ELMO1: variants seen among roughly 807,000 people sequenced by gnomAD.
The protein encoded by ELMO1 is engulfment and cell motility 1.
A neutral mutation model predicts 98.9 loss-of-function variants in ELMO1; 26 were observed. That is an observed-to-expected ratio of 0.26 (90% CI 0.19 to 0.36). The LOEUF is 0.36. Ranked by LOEUF, ELMO1 falls within the 10% of genes least tolerant of loss-of-function variation. The pLI is 1.00. For missense variants in ELMO1, 627 were observed against 935.2 expected (o/e 0.67, Z 4.30); for synonymous variants, 346 against 346.0 (o/e 1.00, Z 0.00).
At chr7:37,256,686 G>GGGAAGGAAGAAA (rs1340919043) in intron 6 of ELMO1, among the ~76,000 whole-genome samples, 72 of 136,512 alleles carry the variant, frequency 5.3e-4, no homozygotes, top group Non-Finnish European at 8.5e-4. Context: ...GGGAGAAGGA[G>GGGAAGGAAGAAA]GGAAGGAAGA....
chr7:37,005,230 C>T (rs1446883863), intron 16 of ELMO1, among the ~76,000 whole-genome samples: 1 of 151,790 alleles, frequency 6.6e-6, no homozygotes, highest in African/African-American at 2.4e-5. Flanking sequence ...GAGATGCTGC[C>T]AGGGCTGTAA....
chr7:37,337,092 C>T (rs942995640), intron 2 of ELMO1, among the ~76,000 whole-genome samples: 9 of 152,164 alleles, frequency 5.9e-5, no homozygotes, highest in Admixed American at 1.3e-4. Context: ...TTTAAAGACA[C>T]ATGCACACGT....
intron 7 of ELMO1, among the ~76,000 whole-genome samples, chr7:37,236,285 C>G (rs1371556647): frequency 2.0e-5 from 3 of 152,140 alleles, no homozygotes; most frequent in African/African-American, 7.2e-5. Context: ...TTTCCAAATC[C>G]CCATGCTTGT....
chr7:36,859,156 C>T (rs749889866), intron 21 of ELMO1, among the ~76,000 whole-genome samples: 14 of 152,090 alleles, frequency 9.2e-5, no homozygotes, highest in Non-Finnish European at 1.8e-4. Context: ...AACATGTCAA[C>T]CAACTGCAAT....
Position 36,855,715 on chromosome 7 carries a change from C to G in ELMO1, c.2020G>C (p.Gly674Arg). 1 of 1,614,034 alleles carries G rather than the reference C, an allele frequency of 6.2e-7. No individual in the cohort carries two copies. Among genetic ancestry groups the G allele is most frequent in the Admixed American group, 1.7e-5 (1 of 60,024 alleles). The change falls in exon 22 of 22, where the codon GGG becomes CGG. Residue 674 changes from glycine (G) to arginine (R), a missense_variant. By Grantham distance (125) the Gly-to-Arg change is moderately radical (BLOSUM62 -2). This residue lies in a region of ELMO1 where 492 missense variants were observed against 715.6 expected (regional missense o/e 0.69). Transcript: ENST00000310758. The surrounding 1 kb of genome is among the most constrained non-coding windows in gnomAD (Gnocchi z 4.2). ...IWTDGLNALL[G>R]KDMMSDLTRN... Reference sequence around the variant, plus strand: ...GTCAGGTCGCTCATCATGTCCTTCCCGAGTAGCGCATTCAGTCCATCCGTC... The same window carrying G: ...GTCAGGTCGCTCATCATGTCCTTCCGGAGTAGCGCATTCAGTCCATCCGTC...
At chr7:36,963,949 C>G (rs1267863560) in intron 16 of ELMO1, among the ~76,000 whole-genome samples, 1 of 152,148 alleles carries the variant, frequency 6.6e-6, no homozygotes, top group African/African-American at 2.4e-5. Context: ...CTGAAATTGA[C>G]AGAAAGCAAT....
At chr7:36,874,542 G>C (rs193031140) in intron 19 of ELMO1, among the ~76,000 whole-genome samples, 2 of 152,192 alleles carry the variant, frequency 1.3e-5, no homozygotes, top group Non-Finnish European at 2.9e-5. Flanking sequence ...TAATTCTGTA[G>C]ATGGAGAGAC....
intron 4 of ELMO1, 107 bp downstream of exon 4, chr7:37,314,743 G>C: frequency 1.0e-6 from 1 of 965,338 alleles, no homozygotes; most frequent in East Asian, 2.6e-5. Flanking sequence ...GTGGATAGTA[G>C]AGACCTAAAA....
intron 4 of ELMO1, among the ~76,000 whole-genome samples, chr7:37,299,552 A>G (rs1798245281): frequency 2.4e-5 from 1 of 42,546 alleles, no homozygotes; most frequent in African/African-American, 6.7e-5. Context: ...TTCTTTTCTC[A>G]GGTTTGTCAA....
intron 16 of ELMO1, among the ~76,000 whole-genome samples, chr7:36,957,881 T>C (rs1788599274): frequency 6.6e-6 from 1 of 152,206 alleles, no homozygotes; most frequent in Non-Finnish European, 1.5e-5. Context: ...AGCTTATCTG[T>C]AGGTAGCCCC....
chr7:36,971,031 C>A (rs1042418394), intron 16 of ELMO1, among the ~76,000 whole-genome samples: 5 of 152,226 alleles, frequency 3.3e-5, no homozygotes, highest in Admixed American at 2.6e-4. Context: ...GGGAGATGTT[C>A]TCCCTGCAAC....
intron 16 of ELMO1, among the ~76,000 whole-genome samples, chr7:36,990,756 A>G (rs1340707745): frequency 6.6e-6 from 1 of 152,106 alleles, no homozygotes; most frequent in African/African-American, 2.4e-5. Context: ...ATACTTTTTA[A>G]ATAAATCCAC....
intron 6 of ELMO1, among the ~76,000 whole-genome samples, chr7:37,255,881 C>G (rs1224740161): frequency 8.5e-6 from 1 of 117,524 alleles, no homozygotes. Context: ...AGGCCCCACT[C>G]TCTCACCAGA....
chr7:37,440,113 C>T (rs1805338207), intron 1 of ELMO1, among the ~76,000 whole-genome samples: 1 of 151,972 alleles, frequency 6.6e-6, no homozygotes, highest in Non-Finnish European at 1.5e-5. Context: ...CCCAGAGTGG[C>T]CCACAATTGG....
intron 13 of ELMO1, among the ~76,000 whole-genome samples, chr7:37,140,204 C>A (rs1787529771): frequency 1.3e-5 from 2 of 149,802 alleles, no homozygotes; most frequent in Admixed American, 6.6e-5. Flanking sequence ...TGAAACCCCA[C>A]CTCTACTAAA....
intron 13 of ELMO1, among the ~76,000 whole-genome samples, chr7:37,165,724 C>T (rs1427342958): frequency 3.9e-5 from 6 of 152,116 alleles, no homozygotes; most frequent in East Asian, 1.9e-4. Context: ...TGATGTGCTG[C>T]TGGATTCGGT....
At chr7:37,293,682 C>A (rs1241483120) in intron 4 of ELMO1, among the ~76,000 whole-genome samples, 2 of 82,852 alleles carry the variant, frequency 2.4e-5, no homozygotes, top group African/African-American at 6.8e-5. Context: ...CCTGCCAAAT[C>A]CCCCTCTGTA....
intron 16 of ELMO1, among the ~76,000 whole-genome samples, chr7:37,005,200 G>A (rs574510754): frequency 2.0e-5 from 3 of 150,948 alleles, no homozygotes; most frequent in Non-Finnish European, 2.9e-5. Flanking sequence ...CAGATTCCTC[G>A]CATGCTCCTT....
At chr7:37,139,965 A>T (rs1295788774) in intron 13 of ELMO1, among the ~76,000 whole-genome samples, 1 of 152,174 alleles carries the variant, frequency 6.6e-6, no homozygotes, top group African/African-American at 2.4e-5. Flanking sequence ...ATAAAGTGGG[A>T]AAAGGACACC....
Sources: gnomAD v4.1 joint callset for allele counts (sites outside exome capture counted in the v4.1 genomes callset) on GRCh38, gnomAD v4.1.1 for gene constraint, gnomAD v4.1.1 regional missense constraint, Gnocchi (gnomAD v3.1) non-coding constraint, MANE v1.5 for transcripts, NCBI Gene and HGNC (gene_info 2026-07-23, HGNC 2026-07-21) for gene names.